The following SLC44A5 variants were observed in gnomAD, a reference collection of about 807,000 sequenced individuals.
SLC44A5 encodes solute carrier family 44 member 5, also known as choline transporter-like protein 5.
A neutral mutation model predicts 101.8 loss-of-function variants in SLC44A5; 57 were observed. The observed-to-expected ratio is 0.56, with a 90% CI of 0.45 to 0.70. SLC44A5 has a LOEUF of 0.70. Among genes scored for constraint, SLC44A5 ranks in the 30% least tolerant of loss-of-function variants. SLC44A5 has a pLI of 0.00. For missense variants in SLC44A5, 737 were observed against 853.1 expected (o/e 0.86, Z 1.70); for synonymous variants, 281 against 290.9 (o/e 0.97, Z 0.35).
intron 12 of SLC44A5, among the ~76,000 whole-genome samples, chr1:75,233,215 T>C (rs1647752677): frequency 6.6e-6 from 1 of 152,200 alleles, no homozygotes; most frequent in African/African-American, 2.4e-5. Flanking sequence ...TTAAAAATTG[T>C]ATTTGTATAA....
chr1:75,674,288 T>C, the SLC44A5 span, among the ~76,000 whole-genome samples: 1 of 152,044 alleles, frequency 6.6e-6, no homozygotes, highest in Non-Finnish European at 1.5e-5. Flanking sequence ...AATGCATCAG[T>C]CTCTTAATAG....
chr1:75,665,375 T>C, the SLC44A5 span, among the ~76,000 whole-genome samples: 1 of 152,036 alleles, frequency 6.6e-6, no homozygotes, highest in Non-Finnish European at 1.5e-5. Context: ...ATTCAATAAA[T>C]GATGCTACGT....
chr1:75,612,851 G>A (rs1570745772), upstream of SLC44A5, among the ~76,000 whole-genome samples: 1 of 152,310 alleles, frequency 6.6e-6, no homozygotes, highest in East Asian at 1.9e-4. Context: ...TATAACCAAT[G>A]TAACCAGCTT....
chr1:75,292,015 AAAAAAAAAAG>A lies in SLC44A5; in HGVS notation c.175+8587_175+8596del, dbSNP rs1400252229. Among the ~76,000 whole-genome samples, 3 of 141,510 alleles carry A rather than the reference AAAAAAAAAAG, an allele frequency of 2.1e-5. No individual in the cohort carries two copies. The Admixed American group carries it at 2.2e-4, about 11-fold the overall frequency. The allele number at this position is 141,510 out of a possible 152,430, so 92.8% of individuals were successfully genotyped here. A position where few individuals can be genotyped will look rare whatever the true frequency, so the allele number is the denominator to read the frequency against. ...TGACAGAGCGAGACTCTGTCTCAAA[AAAAAAAAAAG>A]AAAAGAAAAGAAAGCAGGGTAAAGC... On this transcript the variant is annotated intron_variant, in intron 5 of 23. Coordinates refer to ENST00000370859, the MANE Select transcript of SLC44A5 (RefSeq NM_001130058.2).
intron 2 of SLC44A5, among the ~76,000 whole-genome samples, chr1:75,420,133 C>A (rs1277936266): frequency 6.6e-6 from 1 of 151,970 alleles, no homozygotes; most frequent in Non-Finnish European, 1.5e-5. Context: ...GTGAGAAGAC[C>A]TATCTATAAA....
At chr1:75,560,312 T>C (rs1267352420) in intron 1 of SLC44A5, among the ~76,000 whole-genome samples, 1 of 152,080 alleles carries the variant, frequency 6.6e-6, no homozygotes, top group Non-Finnish European at 1.5e-5. Flanking sequence ...AAACAAAATG[T>C]GGTATATTTT....
intron 23 of SLC44A5, among the ~76,000 whole-genome samples, chr1:75,211,015 TTG>T (rs1044381557): frequency 2.0e-5 from 3 of 152,036 alleles, no homozygotes; most frequent in African/African-American, 4.8e-5. Context: ...ATAGTTATCT[TTG>T]TGTGTGTGTG....
At chr1:75,329,461 T>C (rs955816158) in intron 4 of SLC44A5, among the ~76,000 whole-genome samples, 20 of 152,072 alleles carry the variant, frequency 1.3e-4, no homozygotes, top group African/African-American at 4.8e-4. Flanking sequence ...TTTTTTTTAG[T>C]CAATAATAAT....
At chr1:75,391,574 T>C (rs1661791747) in intron 3 of SLC44A5, among the ~76,000 whole-genome samples, 1 of 152,174 alleles carries the variant, frequency 6.6e-6, no homozygotes, top group Non-Finnish European at 1.5e-5. Context: ...GCTGCACTCC[T>C]ACAACCAACT....
intron 2 of SLC44A5, among the ~76,000 whole-genome samples, chr1:75,491,877 C>T (rs1011999119): frequency 3.3e-5 from 5 of 152,284 alleles, no homozygotes; most frequent in Admixed American, 2.6e-4. Flanking sequence ...GATTTTAAAA[C>T]ATTTTTTATG....
chr1:75,429,551 A>G (rs771765318), intron 2 of SLC44A5, among the ~76,000 whole-genome samples: 1 of 152,192 alleles, frequency 6.6e-6, no homozygotes, highest in Non-Finnish European at 1.5e-5. Flanking sequence ...ATAAAGGAAT[A>G]CCCGAGACTA....
chr1:75,241,227 T>C (rs1292714282), intron 9 of SLC44A5, among the ~76,000 whole-genome samples: 1 of 152,008 alleles, frequency 6.6e-6, no homozygotes, highest in Non-Finnish European at 1.5e-5. Flanking sequence ...TTCTTCTTTT[T>C]CTTTTTATTT....
chr1:75,679,304 C>T, the SLC44A5 span, among the ~76,000 whole-genome samples: 2 of 151,972 alleles, frequency 1.3e-5, no homozygotes, highest in Admixed American at 1.3e-4. Context: ...CCAAGACATG[C>T]AATTGTCAGA....
chr1:75,410,813 G>C (rs1179509921), intron 2 of SLC44A5, among the ~76,000 whole-genome samples: 1 of 152,098 alleles, frequency 6.6e-6, no homozygotes, highest in African/African-American at 2.4e-5. Context: ...AATGAAAATA[G>C]ATTTGTATTG....
intron 2 of SLC44A5, among the ~76,000 whole-genome samples, chr1:75,420,797 A>G (rs1408067493): frequency 6.6e-6 from 1 of 152,140 alleles, no homozygotes; most frequent in Non-Finnish European, 1.5e-5. Flanking sequence ...AAATTTTCAT[A>G]TCAAAGGCCA....
chr1:75,398,510 T>C (rs142792917), intron 2 of SLC44A5: 2 of 424,736 alleles, frequency 4.7e-6, no homozygotes, highest in Non-Finnish European at 6.3e-6. Context: ...CCATACACTG[T>C]ATCATATACC....
At chr1:75,324,129 A>G (rs1053228543) in intron 4 of SLC44A5, among the ~76,000 whole-genome samples, 2 of 152,218 alleles carry the variant, frequency 1.3e-5, no homozygotes, top group African/African-American at 4.8e-5. Context: ...AGAAATAACA[A>G]TCATCTGCAG....
intron 3 of SLC44A5, among the ~76,000 whole-genome samples, chr1:75,375,910 T>A (rs549610845): frequency 1.2e-4 from 19 of 152,284 alleles, no homozygotes; most frequent in South Asian, 4.1e-4. Context: ...GATTTCTGCA[T>A]TTCCATCTGA....
intron 1 of SLC44A5, among the ~76,000 whole-genome samples, chr1:75,573,268 C>T (rs906642443): frequency 1.3e-5 from 2 of 151,636 alleles, no homozygotes; most frequent in Admixed American, 6.6e-5. Flanking sequence ...CGCTTGAACC[C>T]GGGAGGCAGA....
Sources: gnomAD v4.1 joint callset for allele counts (sites outside exome capture counted in the v4.1 genomes callset) on GRCh38, gnomAD v4.1.1 for gene constraint, MANE v1.5 for transcripts, NCBI Gene and HGNC (gene_info 2026-07-23, HGNC 2026-07-21) for gene names.